Variants in CEMIP observed in about 807,000 individuals in gnomAD.
The protein encoded by CEMIP is cell migration-inducing and hyaluronan-binding protein.
Under a neutral mutation model 156.9 loss-of-function variants are expected in CEMIP, and 105 were observed. The observed-to-expected ratio is 0.67, with a 90% CI of 0.57 to 0.79. CEMIP has a LOEUF of 0.79. Ranked by LOEUF, CEMIP falls within the 30% of genes least tolerant of loss-of-function variation. CEMIP has a pLI of 0.00. For missense variants in CEMIP, 1,457 were observed against 1,769.4 expected, an observed-to-expected ratio of 0.82 and a Z score of 3.17; for synonymous variants, 676 against 668.4, an observed-to-expected ratio of 1.01 and a Z score of -0.17.
At chr15:80,843,652 A>T (rs1434272345) in intron 1 of CEMIP, among the ~76,000 whole-genome samples, 1 of 152,226 alleles carries the variant, frequency 6.6e-6, no homozygotes, top group East Asian at 1.9e-4. Context: ...CAGTCATAGA[A>T]TAGTTCCTTC....
chr15:80,878,157 G>C (rs1400743285), intron 3 of CEMIP, among the ~76,000 whole-genome samples: 3 of 152,218 alleles, frequency 2.0e-5, no homozygotes, highest in Non-Finnish European at 4.4e-5. Context: ...ACCACGTATA[G>C]ATATAAACTA....
chr15:80,916,846 TTC>T (rs1900291349), intron 14 of CEMIP, among the ~76,000 whole-genome samples: 1 of 152,140 alleles, frequency 6.6e-6, no homozygotes, highest in Non-Finnish European at 1.5e-5. Context: ...TCCCTCTTGA[TTC>T]TGTGTGTCAT....
intron 1 of CEMIP, among the ~76,000 whole-genome samples, chr15:80,847,745 T>C (rs1345376406): frequency 6.6e-6 from 1 of 152,210 alleles, no homozygotes; most frequent in Non-Finnish European, 1.5e-5. Context: ...TCTTTCATTC[T>C]GGCAAAACCG....
chr15:80,900,638 GTGTGTGTGTGTCTGTGTGTGTGTC>G lies in CEMIP; in HGVS notation c.1411+4590_1411+4613del, dbSNP rs1567090927. ...TGTGTGTGTGTGTGTGTGTGTGTGT[GTGTGTGTGTGTCTGTGTGTGTGTC>G]TGTGTGTGTGTGTGTATTTTGTGTG... On this transcript the variant is annotated intron_variant, in intron 12 of 29. Transcript: ENST00000394685. 1.1e-3 allele frequency among the ~76,000 whole-genome samples: 114 copies of G among 101,952 alleles called. 2 individuals carry two copies. Among genetic ancestry groups the G allele is most frequent in the African/African-American group, 3.5e-3 (101 of 28,544 alleles). 66.9% of individuals were successfully genotyped at this position (101,952 alleles called of 152,430 possible). A position where few individuals can be genotyped will look rare whatever the true frequency, so the allele number is the denominator to read the frequency against.
At chr15:80,791,597 G>A (rs1483235306) in intron 1 of CEMIP, among the ~76,000 whole-genome samples, 1 of 152,090 alleles carries the variant, frequency 6.6e-6, no homozygotes, top group Non-Finnish European at 1.5e-5. Flanking sequence ...AAAATTTTCC[G>A]AGGCTCCTAA....
Position 80,942,219 on chromosome 15 carries a change from A to C in CEMIP, c.3613-32A>C, listed in dbSNP as rs753151109. Reference sequence around the variant, plus strand: ...AGGAGGGGAATGACTACCCAAACCTAACAATTACATTGGGTTCTATGTGTT... The same window carrying C: ...AGGAGGGGAATGACTACCCAAACCTCACAATTACATTGGGTTCTATGTGTT... On this transcript the variant is annotated intron_variant, in intron 26 of 29. Coordinates refer to ENST00000394685, the MANE Select transcript of CEMIP (RefSeq NM_001293298.2). 5 of 1,589,186 alleles carry C rather than the reference A, an allele frequency of 3.1e-6. No homozygotes were observed. The African/African-American group carries it at 6.7e-5, about 21-fold the overall frequency.
chr15:80,901,079 G>A, intron 12 of CEMIP: 1 of 406,952 alleles, frequency 2.5e-6, no homozygotes, highest in Non-Finnish European at 5.0e-6. Flanking sequence ...CAGTGTGGCA[G>A]TTGGAACTCC....
rs1396304524 is a variant in CEMIP, at chr15:80,821,628, AG to A, written c.-176+42017del. Among the ~76,000 whole-genome samples the A allele has an allele frequency of 5.9e-5, 9 of 152,324 alleles. No individual in the cohort carries two copies. The East Asian group carries it at 1.5e-3, about 26-fold the overall frequency. ...CAGGCTGAAGGGTTGCCACTCAATC[AG>A]GGTGTGAGAGGGGACAGTGTGAGGG... On this transcript the variant is annotated intron_variant, in intron 1 of 29. Coordinates refer to ENST00000394685, the MANE Select transcript of CEMIP (RefSeq NM_001293298.2).
intron 1 of CEMIP, among the ~76,000 whole-genome samples, chr15:80,829,404 C>A (rs1897107297): frequency 6.6e-6 from 1 of 152,204 alleles, no homozygotes; most frequent in South Asian, 2.1e-4. Flanking sequence ...AGCTCCCTGT[C>A]ACACGGTTCC....
intron 1 of CEMIP, among the ~76,000 whole-genome samples, chr15:80,852,978 T>C (rs1897751115): frequency 6.6e-6 from 1 of 152,194 alleles, no homozygotes; most frequent in African/African-American, 2.4e-5. Flanking sequence ...CCTGCACAGC[T>C]CACTCCTGTC....
chr15:80,893,927 C>T (rs924586717), intron 10 of CEMIP, among the ~76,000 whole-genome samples: 24 of 151,992 alleles, frequency 1.6e-4, no homozygotes, highest in Non-Finnish European at 3.4e-4. Context: ...GCAGCTGCAG[C>T]CCTTGCTCTA....
In CEMIP at chr15:80,878,728, T is replaced by C. The variant is rs748757502; in HGVS notation, c.102T>C (p.Ala34=). The change falls in exon 4 of 30, where the codon GCT becomes GCC. Residue 34 remains alanine (A), a synonymous_variant. Transcript: ENST00000394685. ...TCTCTCTGTCCTTGGCAGTGGCTGC[T>C]GGGTGCCCTGACCAGAGCCCTGAGT... ...CFPGATSTVA[A]GCPDQSPELQ... is the part of the protein sequence containing the mutation. 18 of 1,614,032 alleles carry C rather than the reference T, an allele frequency of 1.1e-5. No homozygotes were observed. The highest frequency in any genetic ancestry group is 1.4e-5 in the Non-Finnish European group (17 of 1,180,038).
At chr15:80,893,097 G>A (rs1301423442) in intron 10 of CEMIP, among the ~76,000 whole-genome samples, 2 of 152,130 alleles carry the variant, frequency 1.3e-5, no homozygotes, top group Non-Finnish European at 2.9e-5. Flanking sequence ...TGAGGCAGAA[G>A]AATCGCTTGA....
chr15:80,803,939 A>G (rs372580968), intron 1 of CEMIP, among the ~76,000 whole-genome samples: 10 of 152,368 alleles, frequency 6.6e-5, no homozygotes, highest in Admixed American at 6.5e-5. Flanking sequence ...TCTAAAGAAA[A>G]GAGATTTAAT....
chr15:80,884,257 G>T lies in CEMIP; in HGVS notation c.700G>T (p.Val234Phe). 1 of 1,614,238 alleles carries T rather than the reference G, an allele frequency of 6.2e-7. No individual in the cohort carries two copies. Among genetic ancestry groups the T allele is most frequent in the Non-Finnish European group, 8.5e-7 (1 of 1,180,042 alleles). Residue 234 changes from valine to phenylalanine, a missense_variant, in exon 7 of 30, where the codon GTT (valine) becomes TTT (phenylalanine). Coordinates refer to ENST00000394685, the MANE Select transcript of CEMIP (RefSeq NM_001293298.2). ...GGTGCCCGATGGCAGGATCCTTTCT[G>T]TTGCAGTGAATGATGAAGGTTCTCG... Reference protein sequence around the residue: ...NAVPDGRILSVAVNDEGSRNL... With the variant: ...NAVPDGRILSFAVNDEGSRNL...
At chr15:80,890,230 C>T (rs1255329872) in intron 10 of CEMIP, among the ~76,000 whole-genome samples, 1 of 152,022 alleles carries the variant, frequency 6.6e-6, no homozygotes, top group East Asian at 1.9e-4. Flanking sequence ...TCTCCTTATG[C>T]CCAGTCTCAT....
At chr15:80,933,720 A>G (rs1901014960) in intron 23 of CEMIP, among the ~76,000 whole-genome samples, 1 of 152,234 alleles carries the variant, frequency 6.6e-6, no homozygotes, top group Non-Finnish European at 1.5e-5. Context: ...TCAGGCTCCA[A>G]CACTTACCAT....
chr15:80,830,027 C>T (rs1343508317), intron 1 of CEMIP, among the ~76,000 whole-genome samples: 1 of 138,124 alleles, frequency 7.2e-6, no homozygotes. Flanking sequence ...CAATAAGCAA[C>T]CAGGCCACTG....
rs573539534 is a variant in CEMIP, at chr15:80,945,424, T to C, written c.3858-1541T>C. ...GCTCCAACAAAGGACCATTAGCTTT[T>C]GTTCTGAAATGAAACAATGCAGAAA... On this transcript the variant is annotated intron_variant, in intron 28 of 29. Coordinates refer to ENST00000394685, the MANE Select transcript of CEMIP (RefSeq NM_001293298.2). 2.0e-5 allele frequency among the ~76,000 whole-genome samples: 3 copies of C among 152,356 alleles called. No homozygotes were observed. The East Asian group carries it at 5.8e-4, about 29-fold the overall frequency.
Sources: gnomAD v4.1 joint callset for allele counts (sites outside exome capture counted in the v4.1 genomes callset) on GRCh38, gnomAD v4.1.1 for gene constraint, MANE v1.5 for transcripts, NCBI Gene and HGNC (gene_info 2026-07-23, HGNC 2026-07-21) for gene names.